DENND6B: variants seen among roughly 807,000 people sequenced by gnomAD.
The protein encoded by DENND6B is DENN domain containing 6B, also known as protein DENND6B.
A neutral mutation model predicts 85.1 loss-of-function variants in DENND6B; 73 were observed. The observed-to-expected ratio is 0.86, with a 90% CI of 0.71 to 1.04. The LOEUF (loss-of-function observed/expected upper bound fraction) is 1.04. DENND6B is among the 50% of genes least tolerant of loss of function. The pLI, the probability that DENND6B is intolerant of heterozygous loss-of-function variation, is 0.00. For synonymous variants in DENND6B, 357 were observed against 329.3 expected (o/e 1.08, Z -0.91); for missense variants, 715 against 785.8 (o/e 0.91, Z 1.08).
chr22:50,320,593 G>A (rs1287611137), intron 1 of DENND6B, among the ~76,000 whole-genome samples: 1 of 152,202 alleles, frequency 6.6e-6, no homozygotes, highest in Non-Finnish European at 1.5e-5. Flanking sequence ...GGTGGGTGGA[G>A]GGGAGCTAAA....
chr22:50,319,126 G>A, intron 1 of DENND6B, 123 bp from the exon 2 acceptor site: 1 of 1,538,366 alleles, frequency 6.5e-7, no homozygotes, highest in Non-Finnish European at 8.7e-7. Context: ...GCGCAGGTCA[G>A]TGCCCAAGGT....
intron 9 of DENND6B, 122 bp from the exon 10 acceptor site, chr22:50,315,043 G>A (rs1437327418): frequency 2.2e-6 from 3 of 1,369,252 alleles, no homozygotes; most frequent in Non-Finnish European, 2.0e-6. Flanking sequence ...CGCTGCTCCA[G>A]GGTGAAGACA....
In DENND6B at chr22:50,313,513, G is replaced by A; in HGVS notation, c.1294-14C>T. 1.9e-6 allele frequency: 3 copies of A among 1,544,454 alleles called. No homozygotes were observed. The highest frequency in any genetic ancestry group is 2.6e-6 in the Non-Finnish European group (3 of 1,143,682). On this transcript the variant is annotated splice_polypyrimidine_tract_variant and intron_variant, in intron 15 of 19. Coordinates refer to ENST00000413817, the MANE Select transcript of DENND6B (RefSeq NM_001001794.4). ...CATGTAGTGCTCCTGGGTGGGGAAGGGAGGGGAGTGAGCCCGGGGACCCAT... is the reference window on the plus strand; with the variant it reads ...CATGTAGTGCTCCTGGGTGGGGAAGAGAGGGGAGTGAGCCCGGGGACCCAT...
Position 50,326,861 on chromosome 22 carries a change from T to G in DENND6B, c.128A>C (p.Glu43Ala). The G allele has an allele frequency of 7.0e-7, 1 of 1,428,220 alleles. No homozygotes were observed. The highest frequency in any genetic ancestry group is 9.2e-7 in the Non-Finnish European group (1 of 1,092,826). 88.5% of individuals were successfully genotyped at this position (1,428,220 alleles called of 1,614,324 possible). A position where few individuals can be genotyped will look rare whatever the true frequency, so the allele number is the denominator to read the frequency against. ...APWARFSAWL[E>A]CVCVVTFDLE... ...GTCGAAGGTGACCACGCACACACAC[T>G]CCAGCCAGGCGGAGAAGCGCGCCCA... The change falls in exon 1 of 20, where the codon GAG (glutamate) becomes GCG (alanine). Residue 43 changes from glutamate (E) to alanine (A), a missense_variant. Glu to Ala is a moderately radical substitution (Grantham distance 107). Transcript: ENST00000413817.
intron 5 of DENND6B, 181 bp from the exon 6 acceptor site, chr22:50,316,656 G>T: frequency 6.6e-7 from 1 of 1,517,410 alleles, no homozygotes; most frequent in Non-Finnish European, 8.8e-7. Flanking sequence ...TATTAGACAG[G>T]AGAAAACCCA....
At chr22:50,326,723 G>C in intron 1 of DENND6B, 89 bp downstream of exon 1, 3 of 1,174,298 alleles carry the variant, frequency 2.6e-6, no homozygotes, top group Non-Finnish European at 3.3e-6. Context: ...GGAGAGTGCG[G>C]GGCGGCCGAG....
At chr22:50,312,931 G>T (rs570248575) in intron 17 of DENND6B, 68 bp downstream of exon 17, 1 of 1,360,964 alleles carries the variant, frequency 7.3e-7, no homozygotes, top group South Asian at 1.3e-5. Flanking sequence ...ATTGACAGGC[G>T]GGGGGCCATG....
Position 50,311,816 on chromosome 22 carries a change from G to A in DENND6B, c.*323C>T. The A allele has an allele frequency of 5.1e-6, 2 of 392,550 alleles. No homozygotes were observed. The highest frequency in any genetic ancestry group is 9.5e-6 in the Non-Finnish European group (2 of 211,618). 24.3% of individuals were successfully genotyped at this position (392,550 alleles called of 1,614,324 possible). A position where few individuals can be genotyped will look rare whatever the true frequency, so the allele number is the denominator to read the frequency against. ...TCGGGGGCCAACAGATGGGCACCGG[G>A]AGGGGCAGACGGTAGACGCACCCAC... On this transcript the variant is annotated 3_prime_UTR_variant, in exon 20 of 20. Transcript: ENST00000413817.
chr22:50,313,039 G>C lies in DENND6B; in HGVS notation c.1417C>G (p.Leu473Val), dbSNP rs2068103355. 2.6e-6 allele frequency: 4 copies of C among 1,563,512 alleles called. No individual in the cohort carries two copies. The highest frequency in any genetic ancestry group is 3.5e-6 in the Non-Finnish European group (4 of 1,154,716). The change falls in exon 17 of 20, where the codon CTC becomes GTC. Residue 473 changes from leucine (L) to valine (V), a missense_variant. Leu to Val is a conservative substitution (Grantham distance 32, BLOSUM62 1). Transcript: ENST00000413817. The part of the protein sequence containing the change: ...LRSLEHAGPQ[L>V]TCILKGDWLG... ...CAGTCGCCCTTGAGGATGCAGGTGA[G>C]CTGGGGCCCAGCATGCTCCAGGCTA...
chr22:50,322,479 G>A (rs758689549), intron 1 of DENND6B, among the ~76,000 whole-genome samples: 14 of 152,318 alleles, frequency 9.2e-5, no homozygotes, highest in Middle Eastern at 3.4e-3. Flanking sequence ...ACTGACCAGA[G>A]TTCACTCCAG....
Position 50,317,296 on chromosome 22 carries a change from C to G in DENND6B, c.450G>C (p.Gln150His), listed in dbSNP as rs1358682911. 5.0e-6 allele frequency: 8 copies of G among 1,612,628 alleles called. No homozygotes were observed. Among genetic ancestry groups the G allele is most frequent in the Non-Finnish European group, 6.8e-6 (8 of 1,179,614 alleles). ...CCAGAGTGGCCAAGCAGCGCACCTT[C>G]TGGAAGTAGCCCCTCTTCACAGAGC... The part of the protein sequence containing the change: ...KDSSVKRGYF[Q>H]KSLVLVSRLP... Residue 150 changes from glutamine (Q) to histidine (H), a missense_variant, in exon 5 of 20, where the codon CAG becomes CAC. Transcript: ENST00000413817.
Position 50,315,713 on chromosome 22 carries a change from C to A in DENND6B, c.758+1G>T. 6.4e-7 allele frequency: 1 copy of A among 1,567,984 alleles called. No individual in the cohort carries two copies. The highest frequency in any genetic ancestry group is 8.6e-7 in the Non-Finnish European group (1 of 1,158,288). The stretch of plus-strand genomic sequence containing the variant: ...AGTGTGCAGAACCCTAGGGGGCTCA[C>A]CTGAACAGGTCCAGCTCGTGGACGC... On this transcript the variant is annotated splice_donor_variant, in intron 9 of 19. Coordinates refer to ENST00000413817, the MANE Select transcript of DENND6B (RefSeq NM_001001794.4). LOFTEE classifies it high-confidence loss of function.
Position 50,318,885 on chromosome 22 carries a change from C to A in DENND6B, c.221G>T (p.Ser74Ile). 1.2e-6 allele frequency: 2 copies of A among 1,613,190 alleles called. No individual in the cohort carries two copies. Among genetic ancestry groups the A allele is most frequent in the Non-Finnish European group, 1.7e-6 (2 of 1,179,670 alleles). The part of the protein sequence containing the change: ...NDFRLTDKEK[S>I]SICYLSFPDS... ...GGGAAAAGACAGGTAGCAGATGCTG[C>A]TTTTCTGAAACATATAAAACCCCGG... The change falls in exon 3 of 20, where the codon AGC becomes ATC. Residue 74 changes from serine to isoleucine, a missense_variant. Physicochemically the swap from Ser to Ile is moderately radical, Grantham distance 142. Transcript: ENST00000413817.
chr22:50,319,153 CTCCCTGT>C, intron 1 of DENND6B, 150 bp from the exon 2 acceptor site: 3 of 1,531,334 alleles, frequency 2.0e-6, no homozygotes, highest in Non-Finnish European at 2.6e-6. Flanking sequence ...TCGCCCCCTG[CTCCCTGT>C]TCCAACAGCA....
At chr22:50,326,724 G>C in intron 1 of DENND6B, 88 bp downstream of exon 1, 1 of 1,180,686 alleles carries the variant, frequency 8.5e-7, no homozygotes, top group Non-Finnish European at 1.1e-6. Context: ...GAGAGTGCGG[G>C]GCGGCCGAGG....
chr22:50,325,336 T>A (rs2042161136), intron 1 of DENND6B, among the ~76,000 whole-genome samples: 1 of 91,612 alleles, frequency 1.1e-5, no homozygotes, highest in African/African-American at 7.0e-5. Context: ...GGAACCTCCT[T>A]TTTTTTTTTT....
Position 50,310,858 on chromosome 22 carries a change from G to A in DENND6B, c.*1281C>T, listed in dbSNP as rs1426593850. 3.9e-5 allele frequency: 6 copies of A among 152,058 alleles called. No homozygotes were observed. The East Asian group carries it at 1.2e-3, about 29-fold the overall frequency. The allele number at this position is 152,058 out of a possible 1,614,324, so 9.4% of individuals were successfully genotyped here. A position where few individuals can be genotyped will look rare whatever the true frequency, so the allele number is the denominator to read the frequency against. On this transcript the variant is annotated 3_prime_UTR_variant, in exon 20 of 20. Coordinates refer to ENST00000413817, the MANE Select transcript of DENND6B (RefSeq NM_001001794.4). ...ACTCGGGAGGCTGAGGCAGGAGAAT[G>A]GCGTGAACCCGGGAGGCAGAGCTTG...
In DENND6B at chr22:50,314,241, C is replaced by T. The variant is rs764973258; in HGVS notation, c.1104G>A (p.Lys368=). 1 of 1,609,374 alleles carries T rather than the reference C, an allele frequency of 6.2e-7. No individual in the cohort carries two copies. The highest frequency in any genetic ancestry group is 2.2e-5 in the East Asian group (1 of 44,848). Reference sequence around the variant, plus strand: ...TGTCCAGGGTCTTCAACCTTGAAGGCTTTTTCAGCTTGACTTGCTTAGGCA... The same window carrying T: ...TGTCCAGGGTCTTCAACCTTGAAGGTTTTTTCAGCTTGACTTGCTTAGGCA... The part of the protein sequence containing the change: ...GDLPKQVKLK[K]PSRLKTLDTK... The change falls in exon 13 of 20, where the codon AAG becomes AAA. Residue 368 remains lysine, a synonymous_variant. Coordinates refer to ENST00000413817, the MANE Select transcript of DENND6B (RefSeq NM_001001794.4).
intron 1 of DENND6B, among the ~76,000 whole-genome samples, chr22:50,322,063 T>C (rs1307823277): frequency 1.3e-4 from 20 of 148,760 alleles, no homozygotes; most frequent in Non-Finnish European, 2.4e-4. Flanking sequence ...AAAAAACTCT[T>C]TGGGGTCCTC....
Sources: gnomAD v4.1 joint callset for allele counts (sites outside exome capture counted in the v4.1 genomes callset) on GRCh38, gnomAD v4.1.1 for gene constraint, MANE v1.5 for transcripts, NCBI Gene and HGNC (gene_info 2026-07-23, HGNC 2026-07-21) for gene names.